P4HA1: variants seen among roughly 807,000 people sequenced by gnomAD.
The protein encoded by P4HA1 is prolyl 4-hydroxylase subunit alpha-1.
A neutral mutation model predicts 72.8 loss-of-function variants in P4HA1; 24 were observed. The observed-to-expected ratio is 0.33, with a 90% CI of 0.24 to 0.46. The LOEUF (loss-of-function observed/expected upper bound fraction) is 0.46, where lower values mean the gene tolerates loss of function less well. P4HA1 is among the 20% of genes least tolerant of loss of function. P4HA1 has a pLI of 1.00. For synonymous variants in P4HA1, 201 were observed against 218.8 expected (o/e 0.92, Z 0.72); for missense variants, 446 against 640.6 (o/e 0.70, Z 3.28).
chr10:73,054,480 A>G (rs1304039073), intron 5 of P4HA1, among the ~76,000 whole-genome samples: 1 of 152,016 alleles, frequency 6.6e-6, no homozygotes, highest in Non-Finnish European at 1.5e-5. Context: ...TAACTTCCCC[A>G]CCTTGCCCCA....
intron 1 of P4HA1, among the ~76,000 whole-genome samples, chr10:73,092,330 A>C (rs1368993702): frequency 4.7e-5 from 7 of 148,224 alleles, no homozygotes; most frequent in African/African-American, 1.8e-4. Flanking sequence ...TATTGTAAAT[A>C]ATTTTTTTTT....
chr10:73,042,990 T>A (rs1181350848), intron 9 of P4HA1, among the ~76,000 whole-genome samples: 1 of 152,154 alleles, frequency 6.6e-6, no homozygotes, highest in Non-Finnish European at 1.5e-5. Context: ...CACATTATAC[T>A]TATCTATATT....
At chr10:73,093,861 A>ATT (rs748441799) in intron 1 of P4HA1, among the ~76,000 whole-genome samples, 1 of 71,432 alleles carries the variant, frequency 1.4e-5, no homozygotes, top group African/African-American at 6.7e-5. Flanking sequence ...AAAAAAAAAA[A>ATT]AAAAAAAAAA....
At chr10:73,045,723 T>C (rs1840840279) in intron 8 of P4HA1, among the ~76,000 whole-genome samples, 1 of 152,048 alleles carries the variant, frequency 6.6e-6, no homozygotes, top group Non-Finnish European at 1.5e-5. Flanking sequence ...TTTATTGCCA[T>C]TAAATTTATT....
At chr10:73,050,484 A>T (rs1840992687) in intron 7 of P4HA1, among the ~76,000 whole-genome samples, 1 of 151,542 alleles carries the variant, frequency 6.6e-6, no homozygotes. Context: ...GGTGGATCAC[A>T]AGGTCAGGAG....
intron 5 of P4HA1, among the ~76,000 whole-genome samples, chr10:73,059,699 C>T (rs1443749615): frequency 4.0e-5 from 6 of 150,554 alleles, no homozygotes; most frequent in Admixed American, 6.6e-5. Context: ...GCTGAGATCA[C>T]GCCACTGCAC....
At chr10:73,040,223 G>A in intron 9 of P4HA1, among the ~76,000 whole-genome samples, 1 of 151,818 alleles carries the variant, frequency 6.6e-6, no homozygotes, top group Non-Finnish European at 1.5e-5. Context: ...ATGTAAGTAT[G>A]GTTGTACCTT....
At chr10:73,024,675 C>A (rs137961348) in intron 10 of P4HA1, among the ~76,000 whole-genome samples, 1 of 152,084 alleles carries the variant, frequency 6.6e-6, no homozygotes, top group African/African-American at 2.4e-5. Flanking sequence ...ACATAAAAAA[C>A]CCTTCAAAAA....
At chr10:73,027,838 AAGGGAGGGAGAGAGGAGGGG>A (rs1201484598) in intron 10 of P4HA1, among the ~76,000 whole-genome samples, 4 of 113,472 alleles carry the variant, frequency 3.5e-5, no homozygotes, top group Non-Finnish European at 6.9e-5. Context: ...GAGAGGAAGG[AAGGGAGGGAGAGAGGAGGGG>A]AGGGAGGGAG....
At chr10:73,036,344 G>A (rs1402446516) in intron 9 of P4HA1, among the ~76,000 whole-genome samples, 1 of 151,952 alleles carries the variant, frequency 6.6e-6, no homozygotes, top group Non-Finnish European at 1.5e-5. Context: ...TGATGCATGG[G>A]AAGTTATTTC....
chr10:73,089,827 G>C (rs1841992813), intron 1 of P4HA1, among the ~76,000 whole-genome samples: 2 of 152,062 alleles, frequency 1.3e-5, no homozygotes, highest in Non-Finnish European at 1.5e-5. Flanking sequence ...AGAGAGGGTA[G>C]TAAGGAGCAA....
intron 14 of P4HA1, among the ~76,000 whole-genome samples, chr10:73,009,140 G>T (rs144638802): frequency 5.3e-5 from 8 of 152,290 alleles, no homozygotes; most frequent in African/African-American, 1.9e-4. Context: ...TTAAAATCCT[G>T]ATCAGGCCTC....
chr10:73,009,121 G>C (rs778207704), intron 14 of P4HA1, among the ~76,000 whole-genome samples: 1 of 152,100 alleles, frequency 6.6e-6, no homozygotes, highest in Non-Finnish European at 1.5e-5. Flanking sequence ...ATAATCATAA[G>C]GGGAGATTTT....
chr10:73,011,436 A>T (rs1478135508), intron 12 of P4HA1, among the ~76,000 whole-genome samples: 1 of 152,168 alleles, frequency 6.6e-6, no homozygotes, highest in Non-Finnish European at 1.5e-5. Flanking sequence ...TTCATTGCTG[A>T]TCATTAATGT....
intron 1 of P4HA1, among the ~76,000 whole-genome samples, chr10:73,093,640 G>A (rs993502600): frequency 6.6e-6 from 1 of 151,122 alleles, no homozygotes; most frequent in Non-Finnish European, 1.5e-5. Context: ...TAAAGAGATC[G>A]AGACCATCCT....
intron 1 of P4HA1, among the ~76,000 whole-genome samples, chr10:73,092,482 T>TA (rs747420894): frequency 6.4e-4 from 96 of 150,990 alleles, no homozygotes; most frequent in Non-Finnish European, 1.2e-3. Context: ...CCCAAGTAGT[T>TA]AGACTACAGA....
intron 1 of P4HA1, among the ~76,000 whole-genome samples, chr10:73,083,467 G>C (rs1841864734): frequency 6.6e-6 from 1 of 152,158 alleles, no homozygotes; most frequent in African/African-American, 2.4e-5. Flanking sequence ...TCTAAGTTAA[G>C]ATATTGCCCT....
chr10:73,031,350 T>C (rs1840428017), intron 9 of P4HA1, among the ~76,000 whole-genome samples: 1 of 152,116 alleles, frequency 6.6e-6, no homozygotes, highest in Non-Finnish European at 1.5e-5. Flanking sequence ...CTGGGCATGG[T>C]GGCATGCACC....
chr10:73,055,599 C>T (rs1302225069), intron 5 of P4HA1, among the ~76,000 whole-genome samples: 2 of 152,208 alleles, frequency 1.3e-5, no homozygotes, highest in Non-Finnish European at 2.9e-5. Context: ...TGAAGTCCAA[C>T]TTATTAATCT....
Sources: allele counts gnomAD v4.1 joint callset (sites outside exome capture counted in the v4.1 genomes callset), GRCh38; gene constraint gnomAD v4.1.1; transcripts MANE v1.5; gene names NCBI Gene and HGNC (gene_info 2026-07-23, HGNC 2026-07-21).